TBC1D17: variants seen among roughly 807,000 people sequenced by gnomAD.
The protein encoded by TBC1D17 is TBC1 domain family member 17.
Under a neutral mutation model 78.8 loss-of-function variants are expected in TBC1D17, and 69 were observed. The ratio of observed to expected loss-of-function variants is 0.88; its 90% CI spans 0.72 to 1.07. The LOEUF (loss-of-function observed/expected upper bound fraction) is 1.07, where lower values mean the gene tolerates loss of function less well. Ranked by LOEUF, TBC1D17 falls within the 50% of genes least tolerant of loss-of-function variation. The pLI is 0.00. For synonymous variants in TBC1D17, 456 were observed against 358.3 expected, an observed-to-expected ratio of 1.27 and a Z score of -3.08; for missense variants, 957 against 861.0, an observed-to-expected ratio of 1.11 and a Z score of -1.39.
At chr19:49,881,936 G>C in intron 5 of TBC1D17, 105 bp from the exon 6 acceptor site, 1 of 964,464 alleles carries the variant, frequency 1.0e-6, no homozygotes, top group Non-Finnish European at 1.6e-6. Context: ...TTGCCCAGGG[G>C]TGGTTGGGAC....
rs748805106 is a variant in TBC1D17, at chr19:49,880,375, C to T, written c.292C>T (p.Gln98Ter). 3 of 1,613,784 alleles carry T rather than the reference C, an allele frequency of 1.9e-6. No individual in the cohort carries two copies. Among genetic ancestry groups the T allele is most frequent in the Admixed American group, 1.7e-5 (1 of 59,992 alleles). The change falls in exon 4 of 17, where the codon CAG becomes TAG. Residue 98 changes from glutamine (Q) to a stop codon, truncating the protein, a stop_gained. Coordinates refer to ENST00000221543, the MANE Select transcript of TBC1D17 (RefSeq NM_024682.3). LOFTEE classifies it high-confidence loss of function. ...DWAVISTVRP[Q>*]LCHSEPTRGA... ...GGCTGTCATCAGCACTGTGCGGCCA[C>T]AGCTCTGCCACTCAGAGCCCACGAG...
chr19:49,883,554 C>A, intron 9 of TBC1D17, 97 bp from the exon 10 acceptor site: 1 of 996,850 alleles, frequency 1.0e-6, no homozygotes, highest in Non-Finnish European at 1.6e-6. Context: ...CAGGGAGGGG[C>A]TCTGCAGGGC....
Position 49,884,319 on chromosome 19 carries a change from G to C in TBC1D17, c.1193G>C (p.Gly398Ala). 2 of 1,614,046 alleles carry C rather than the reference G, an allele frequency of 1.2e-6. No homozygotes were observed. The highest frequency in any genetic ancestry group is 1.7e-6 in the Non-Finnish European group (2 of 1,180,030). Residue 398 changes from glycine (G) to alanine (A), a missense_variant, in exon 11 of 17, where the codon GGC becomes GCC. Coordinates refer to ENST00000221543, the MANE Select transcript of TBC1D17 (RefSeq NM_024682.3). ...GAGGGTCCCGAGAACCCGGGGCTGG[G>C]CCTGCTGAACGATATCCTCCTCACC... ...FYEGPENPGL[G>A]LLNDILLTYC...
At chr19:49,880,177 C>T in intron 3 of TBC1D17, 102 bp from the exon 4 acceptor site, 1 of 1,462,198 alleles carries the variant, frequency 6.8e-7, no homozygotes, top group Non-Finnish European at 9.3e-7. Flanking sequence ...TTCTTTGTGC[C>T]TCAGTTTCCC....
chr19:49,884,338 C>T lies in TBC1D17; in HGVS notation c.1212C>T (p.Leu404=), dbSNP rs1368396261. ...NPGLGLLNDI[L]LTYCMYHFDL... ...GGCTGGGCCTGCTGAACGATATCCTCCTCACCTACTGCATGTATCACTTCG... is the reference window on the plus strand; with the variant it reads ...GGCTGGGCCTGCTGAACGATATCCTTCTCACCTACTGCATGTATCACTTCG... The change falls in exon 11 of 17, where the codon CTC becomes CTT. Residue 404 remains leucine (L), a synonymous_variant. Transcript: ENST00000221543. The T allele has an allele frequency of 3.3e-5, 53 of 1,613,994 alleles. No homozygotes were observed. Among genetic ancestry groups the T allele is most frequent in the Non-Finnish European group, 4.4e-5 (52 of 1,180,038 alleles).
chr19:49,884,509 C>T lies in TBC1D17; in HGVS notation c.1294C>T (p.Gln432Ter), dbSNP rs765910885. The T allele has an allele frequency of 6.2e-7, 1 of 1,614,066 alleles. No homozygotes were observed. Among genetic ancestry groups the T allele is most frequent in the Non-Finnish European group, 8.5e-7 (1 of 1,180,036 alleles). Residue 432 changes from glutamine to a stop codon, truncating the protein, a stop_gained, in exon 12 of 17, where the codon CAG (glutamine) becomes TAG (stop). Transcript: ENST00000221543. LOFTEE classifies it high-confidence loss of function. Reference sequence around the variant, plus strand: ...TCTCTCCCCGATCCTCTACGTCATTCAGAACGAGGTGGATGCTTTCTGGTG... The same window carrying T: ...TCTCTCCCCGATCCTCTACGTCATTTAGAACGAGGTGGATGCTTTCTGGTG... ...DLLSPILYVI[Q>*]NEVDAFWCFC...
At position 49,881,339 on chromosome 19, in the gene TBC1D17, C is replaced by T. The variant is rs547479893; in HGVS notation, c.391C>T (p.Arg131Cys). ...VSLGELKSIR[R>C]SKPGLSWAYL... ...TCTGGGGGAGCTAAAGTCCATCCGC[C>T]GCTCCAAGCCAGGCCTCAGCTGGGC... The change falls in exon 5 of 17, where the codon CGC (arginine) becomes TGC (cysteine). Residue 131 changes from arginine to cysteine, a missense_variant. Transcript: ENST00000221543. The T allele has an allele frequency of 3.2e-5, 52 of 1,613,320 alleles. No individual in the cohort carries two copies. The South Asian group carries it at 5.3e-4, about 16-fold the overall frequency.
intron 7 of TBC1D17, 73 bp from the exon 8 acceptor site, chr19:49,882,691 T>C: frequency 2.7e-6 from 4 of 1,455,094 alleles, no homozygotes; most frequent in Non-Finnish European, 3.6e-6. Flanking sequence ...CTCTCTGAGC[T>C]TGTGGACTGA....
At chr19:49,877,828 C>G (rs2074969123) in intron 1 of TBC1D17, 84 bp downstream of exon 1, 1 of 1,468,272 alleles carries the variant, frequency 6.8e-7, no homozygotes. Flanking sequence ...GGCCTTGGCT[C>G]TCGAGAATCC....
At chr19:49,881,129 T>C (rs2122436221) in intron 4 of TBC1D17, 139 bp from the exon 5 acceptor site, 1 of 686,848 alleles carries the variant, frequency 1.5e-6, no homozygotes, top group South Asian at 1.9e-5. Flanking sequence ...TTCCAAGGAA[T>C]GTGAGGCCAG....
rs544130948 is a variant in TBC1D17 at position 49,882,288 on chromosome 19, G to A, written c.686G>A (p.Arg229Gln). The A allele has an allele frequency of 1.4e-5, 22 of 1,612,214 alleles. No individual in the cohort carries two copies. Among genetic ancestry groups the A allele is most frequent in the Admixed American group, 1.0e-4 (6 of 60,012 alleles). The change falls in exon 7 of 17, where the codon CGA becomes CAA. Residue 229 changes from arginine to glutamine, a missense_variant. Arg to Gln is a conservative substitution (Grantham distance 43). Coordinates refer to ENST00000221543, the MANE Select transcript of TBC1D17 (RefSeq NM_024682.3). ...TCCACCACCTTCAGCAGCTTCTCCC[G>A]AGTGACCAACTTCTTCCGGGGTGCC... ...PYSTTFSSFS[R>Q]VTNFFRGALQ...
At chr19:49,880,203 G>T (rs2075000905) in intron 3 of TBC1D17, 76 bp from the exon 4 acceptor site, 2 of 1,561,378 alleles carry the variant, frequency 1.3e-6, no homozygotes, top group Non-Finnish European at 1.7e-6. Context: ...ATTCAATGGG[G>T]CTATCTTCCA....
chr19:49,888,583 G>A lies in TBC1D17; in HGVS notation c.1906G>A (p.Glu636Lys), dbSNP rs1384887636. ...DTAPQPDSSL[E>K]ILPEEEDEGA... Reference sequence around the variant, plus strand: ...AGCCCCGCAGCCCGACAGCAGCCTGGAGATCCTGCCCGAGGAGGAGGACGA... The same window carrying A: ...AGCCCCGCAGCCCGACAGCAGCCTGAAGATCCTGCCCGAGGAGGAGGACGA... Residue 636 changes from glutamate to lysine, a missense_variant, in exon 17 of 17, where the codon GAG becomes AAG. Transcript: ENST00000221543. 8.5e-6 allele frequency: 13 copies of A among 1,536,742 alleles called. No individual in the cohort carries two copies. The highest frequency in any genetic ancestry group is 2.0e-5 in the Admixed American group (1 of 50,962).
At chr19:49,888,340 G>A (rs1237297224) in intron 16 of TBC1D17, 23 bp downstream of exon 16, 1 of 1,542,870 alleles carries the variant, frequency 6.5e-7, no homozygotes, top group Non-Finnish European at 8.7e-7. Context: ...CCGCCCCGCA[G>A]CGCCCCGCCC....
Position 49,888,601 on chromosome 19 carries a change from G to A in TBC1D17, c.1924G>A (p.Glu642Lys), listed in dbSNP as rs1339974639. 6.5e-7 allele frequency: 1 copy of A among 1,536,534 alleles called. No individual in the cohort carries two copies. The highest frequency in any genetic ancestry group is 2.4e-5 in the East Asian group (1 of 40,836). The change falls in exon 17 of 17, where the codon GAG becomes AAG. Residue 642 changes from glutamate to lysine, a missense_variant. By Grantham distance (56) the Glu-to-Lys change is moderately conservative. Coordinates refer to ENST00000221543, the MANE Select transcript of TBC1D17 (RefSeq NM_024682.3). The part of the protein sequence containing the change: ...DSSLEILPEE[E>K]DEGADS ...CAGCCTGGAGATCCTGCCCGAGGAG[G>A]AGGACGAGGGCGCCGACTCCTAACC...
At chr19:49,887,415 CT>C in intron 13 of TBC1D17, 60 bp from the exon 14 acceptor site, 1 of 1,536,332 alleles carries the variant, frequency 6.5e-7, no homozygotes, top group South Asian at 1.2e-5. Context: ...GTCAGGATGA[CT>C]TCTCAAACTC....
intron 14 of TBC1D17, 53 bp from the exon 15 acceptor site, chr19:49,887,665 C>G (rs1016852658): frequency 2.5e-6 from 4 of 1,609,290 alleles, no homozygotes; most frequent in Non-Finnish European, 3.4e-6. Flanking sequence ...GGTGGGACCT[C>G]AGGCCCAGGC....
At chr19:49,887,867 C>G (rs1300338191) in intron 15 of TBC1D17, 33 bp downstream of exon 15, 1 of 1,551,512 alleles carries the variant, frequency 6.4e-7, no homozygotes, top group East Asian at 2.3e-5. Context: ...GCCCTGTCCC[C>G]CCTGAGCTGG....
rs774017238 is a variant in TBC1D17 at position 49,884,560 on chromosome 19, G to T, written c.1344+1G>T. The T allele has an allele frequency of 3.7e-6, 6 of 1,614,052 alleles. No individual in the cohort carries two copies. Among genetic ancestry groups the T allele is most frequent in the Non-Finnish European group, 5.1e-6 (6 of 1,180,020 alleles). On this transcript the variant is annotated splice_donor_variant, in intron 12 of 16. Coordinates refer to ENST00000221543, the MANE Select transcript of TBC1D17 (RefSeq NM_024682.3). LOFTEE classifies it high-confidence loss of function. The stretch of plus-strand genomic sequence containing the variant: ...TTTCTGTGGCTTCATGGAGCTCGTG[G>T]TGAGGCTTGGGTCAGGGGTGGGACA...
Sources: allele counts gnomAD v4.1 joint callset, GRCh38; gene constraint gnomAD v4.1.1; transcripts MANE v1.5; gene names NCBI Gene and HGNC (gene_info 2026-07-23, HGNC 2026-07-21).